DIS3L2: variants seen among roughly 807,000 people sequenced by gnomAD.
DIS3L2 encodes the protein DIS3 like 3'-5' exoribonuclease 2.
DIS3L2 carries 34 observed loss-of-function variants against 97.5 expected under a neutral mutation model. The observed-to-expected ratio is 0.35, with a 90% CI of 0.27 to 0.46. DIS3L2 has a LOEUF of 0.46. Among genes scored for constraint, DIS3L2 ranks in the 20% least tolerant of loss-of-function variants. The pLI is 1.00. For synonymous variants in DIS3L2, 435 were observed against 445.2 expected (o/e 0.98, Z 0.29); for missense variants, 1,038 against 1,146.0 (o/e 0.91, Z 1.36).
intron 8 of DIS3L2, among the ~76,000 whole-genome samples, chr2:232,161,023 T>A (rs1690634270): frequency 1.3e-5 from 2 of 152,144 alleles, no homozygotes; most frequent in African/African-American, 2.4e-5. Context: ...GTTCAAGCGT[T>A]TCTCCTGTCT....
intron 6 of DIS3L2, among the ~76,000 whole-genome samples, chr2:232,094,718 CAAAAA>C (rs59253625): frequency 2.7e-4 from 30 of 111,484 alleles, no homozygotes; most frequent in Middle Eastern, 4.5e-3. Flanking sequence ...GACTCCATCT[CAAAAA>C]AAAAAAAAAA....
intron 5 of DIS3L2, among the ~76,000 whole-genome samples, chr2:232,043,639 C>A (rs747242996): frequency 3.9e-5 from 6 of 152,148 alleles, no homozygotes; most frequent in Non-Finnish European, 8.8e-5. Flanking sequence ...TCTATAAGAT[C>A]ACCCTCAGTC....
At chr2:232,208,198 C>T (rs973140039) in intron 9 of DIS3L2, among the ~76,000 whole-genome samples, 2 of 152,144 alleles carry the variant, frequency 1.3e-5, no homozygotes, top group African/African-American at 4.8e-5. Flanking sequence ...GCGTACCTTT[C>T]CCAGTTCTGG....
At chr2:232,003,183 A>G (rs1693955825) in intron 1 of DIS3L2, among the ~76,000 whole-genome samples, 1 of 152,152 alleles carries the variant, frequency 6.6e-6, no homozygotes, top group African/African-American at 2.4e-5. Context: ...TTGTCCTCCA[A>G]TCTAGAGGTT....
At chr2:232,279,311 G>A (rs532078309) in intron 13 of DIS3L2, among the ~76,000 whole-genome samples, 4 of 152,274 alleles carry the variant, frequency 2.6e-5, no homozygotes, top group African/African-American at 7.2e-5. Context: ...TTTAGGTGTG[G>A]TGATAGGTGC....
intron 6 of DIS3L2, among the ~76,000 whole-genome samples, chr2:232,128,417 G>A (rs904681284): frequency 7.0e-6 from 1 of 143,312 alleles, no homozygotes; most frequent in Admixed American, 7.0e-5. Flanking sequence ...ATTAAACAAT[G>A]TAGTAGAGTC....
At chr2:232,267,022 G>A (rs1405522948) in intron 13 of DIS3L2, among the ~76,000 whole-genome samples, 1 of 152,128 alleles carries the variant, frequency 6.6e-6, no homozygotes, top group Non-Finnish European at 1.5e-5. Flanking sequence ...TGTTGAGTTA[G>A]GGACCTACTA....
chr2:231,974,604 T>C (rs1466033730), intron 1 of DIS3L2, among the ~76,000 whole-genome samples: 4 of 151,974 alleles, frequency 2.6e-5, no homozygotes, highest in East Asian at 3.9e-4. Flanking sequence ...CTTGAACATA[T>C]GGAATACAAT....
chr2:232,005,779 C>A (rs910812213), intron 1 of DIS3L2, among the ~76,000 whole-genome samples: 1 of 152,178 alleles, frequency 6.6e-6, no homozygotes, highest in Non-Finnish European at 1.5e-5. Context: ...TCCCAACTTA[C>A]TATTTTCATC....
chr2:232,029,800 C>G (rs1694753570), intron 4 of DIS3L2, among the ~76,000 whole-genome samples, 179 bp from the exon 5 acceptor site: 1 of 151,908 alleles, frequency 6.6e-6, no homozygotes, highest in Non-Finnish European at 1.5e-5. Flanking sequence ...TTTATACTTT[C>G]TTGATATGTA....
chr2:231,981,142 C>G (rs369468376), intron 1 of DIS3L2, among the ~76,000 whole-genome samples: 3 of 152,062 alleles, frequency 2.0e-5, no homozygotes, highest in African/African-American at 7.2e-5. Flanking sequence ...TGGGGTTTCT[C>G]CATGTTGGGC....
intron 9 of DIS3L2, among the ~76,000 whole-genome samples, chr2:232,181,039 TA>T (rs1434588988): frequency 1.1e-5 from 1 of 92,516 alleles, no homozygotes; most frequent in African/African-American, 4.4e-5. Flanking sequence ...TTTGCTTGTC[TA>T]TAAAGTATTT....
chr2:232,079,845 C>T (rs1300857912), intron 5 of DIS3L2, among the ~76,000 whole-genome samples: 3 of 152,036 alleles, frequency 2.0e-5, no homozygotes, highest in South Asian at 2.1e-4. Flanking sequence ...TTGTAGTATT[C>T]TAGGAACAGC....
intron 14 of DIS3L2, among the ~76,000 whole-genome samples, chr2:232,319,527 C>T (rs1207131906): frequency 2.6e-5 from 4 of 152,198 alleles, no homozygotes; most frequent in East Asian, 1.9e-4. Context: ...TTGGGCAAGG[C>T]CTCCTCCCAG....
rs1158423027 is a variant in DIS3L2 at position 232,087,646 on chromosome 2, G to A, written c.526G>A (p.Glu176Lys). Reference protein sequence around the residue: ...VEAQFDGSDSEDGHGITQNVL... With the variant: ...VEAQFDGSDSKDGHGITQNVL... ...GGCTCAGTTTGATGGCAGCGACTCA[G>A]AAGATGGACATGGCATCACACAAAA... The change falls in exon 6 of 21, where the codon GAA becomes AAA. Residue 176 changes from glutamate (E) to lysine (K), a missense_variant. Transcript: ENST00000325385. The A allele has an allele frequency of 6.2e-7, 1 of 1,614,084 alleles. No homozygotes were observed. The highest frequency in any genetic ancestry group is 8.5e-7 in the Non-Finnish European group (1 of 1,180,056).
intron 14 of DIS3L2, among the ~76,000 whole-genome samples, chr2:232,306,962 G>A (rs11889644): frequency 5.3e-5 from 8 of 152,082 alleles, no homozygotes; most frequent in African/African-American, 1.5e-4. Flanking sequence ...CCAGAACCCC[G>A]TGCCCACCCA....
intron 9 of DIS3L2, among the ~76,000 whole-genome samples, chr2:232,180,494 C>T (rs1574929270): frequency 6.6e-5 from 2 of 30,418 alleles, no homozygotes; most frequent in Non-Finnish European, 1.2e-4. Flanking sequence ...TCTGGGTGCT[C>T]CTGTATTGGG....
intron 13 of DIS3L2, among the ~76,000 whole-genome samples, chr2:232,295,323 A>G (rs578059855): frequency 1.1e-4 from 16 of 152,008 alleles, no homozygotes; most frequent in Admixed American, 3.9e-4. Context: ...TTTGTGTCCT[A>G]ATTTTCAGGA....
chr2:232,330,736 G>C lies in DIS3L2; in HGVS notation c.1970G>C (p.Arg657Pro), dbSNP rs757443947. The C allele has an allele frequency of 6.2e-7, 1 of 1,613,418 alleles. No individual in the cohort carries two copies. Among genetic ancestry groups the C allele is most frequent in the Non-Finnish European group, 8.5e-7 (1 of 1,180,018 alleles). Residue 657 changes from arginine to proline, a missense_variant, in exon 16 of 21, where the codon CGC becomes CCC. Arg to Pro is a moderately radical substitution (Grantham distance 103). Around this residue, in one of 3 missense-constraint regions of DIS3L2, gnomAD observed 813 missense variants for 880.1 expected, o/e 0.92. Transcript: ENST00000325385. ...TFGDDKYSLA[R>P]KEVLTNMCSR... Reference sequence around the variant, plus strand: ...GGAGATGACAAGTACTCACTGGCCCGCAAGGAGGTGCTCACCAACATGTGC... The same window carrying C: ...GGAGATGACAAGTACTCACTGGCCCCCAAGGAGGTGCTCACCAACATGTGC...
Sources: allele counts gnomAD v4.1 joint callset (sites outside exome capture counted in the v4.1 genomes callset), GRCh38; gene constraint gnomAD v4.1.1; regional missense constraint gnomAD v4.1.1; transcripts MANE v1.5; gene names NCBI Gene and HGNC (gene_info 2026-07-23, HGNC 2026-07-21).